Variants in TARBP1 observed in about 807,000 individuals in gnomAD.
The protein encoded by TARBP1 is tRNA guanosine 2 -O-methyltransferase TARBP1.
TARBP1 carries 144 observed loss-of-function variants against 178.6 expected under a neutral mutation model. That is an observed-to-expected ratio of 0.81 (90% CI 0.70 to 0.93). The LOEUF is 0.93. TARBP1 is among the 40% of genes least tolerant of loss of function. TARBP1 has a pLI of 0.00. For missense variants in TARBP1, 2,067 were observed against 2,011.7 expected (o/e 1.03, Z -0.53); for synonymous variants, 787 against 781.0 (o/e 1.01, Z -0.13).
rs1558237313 is a variant in TARBP1, at chr1:234,457,737, T to TC, written c.1651dup (p.Asp551GlyfsTer27). The TC allele has an allele frequency of 6.2e-7, 1 of 1,609,312 alleles. No individual in the cohort carries two copies. The highest frequency in any genetic ancestry group is 8.5e-7 in the Non-Finnish European group (1 of 1,177,064). ...CAGAGACATGAGAAAAGTTGAGACATCAGAAAGTGACACTTTCTCCTGGGC... is the reference window on the plus strand; with the variant it reads ...CAGAGACATGAGAAAAGTTGAGACATCCAGAAAGTGACACTTTCTCCTGGGC... On this transcript the variant is annotated frameshift_variant, in exon 9 of 30. Coordinates refer to ENST00000040877, the MANE Select transcript of TARBP1 (RefSeq NM_005646.4). LOFTEE classifies it high-confidence loss of function.
chr1:234,454,014 A>C (rs1667051949), intron 9 of TARBP1, among the ~76,000 whole-genome samples: 1 of 152,250 alleles, frequency 6.6e-6, no homozygotes, highest in African/African-American at 2.4e-5. Context: ...GAACAGATGA[A>C]GAAATCTAAG....
intron 1 of TARBP1, 138 bp from the exon 2 acceptor site, chr1:234,472,949 G>T: frequency 1.4e-6 from 1 of 697,234 alleles, no homozygotes; most frequent in Non-Finnish European, 2.5e-6. Flanking sequence ...ATCAGAGCCT[G>T]GATAGGGGGC....
Position 234,429,770 on chromosome 1 carries a change from G to C in TARBP1, c.2610-93C>G, listed in dbSNP as rs569956588. ...ACACTATCCTTTCTAAAGGTGGGGG[G>C]GGGGGGGCAGTGTACAGATATAAAT... On this transcript the variant is annotated intron_variant, in intron 15 of 29. Transcript: ENST00000040877. 17 of 1,311,256 alleles carry C rather than the reference G, an allele frequency of 1.3e-5. 1 individual carries two copies. Among genetic ancestry groups the C allele is most frequent in the East Asian group, 4.6e-5 (2 of 43,056 alleles). The allele number at this position is 1,311,256 out of a possible 1,614,324, so 81.2% of individuals were successfully genotyped here.
chr1:234,399,924 ATACC>A (rs1660513022), intron 25 of TARBP1, among the ~76,000 whole-genome samples: 1 of 151,630 alleles, frequency 6.6e-6, no homozygotes, highest in South Asian at 2.1e-4. Context: ...TTTAGGAGAT[ATACC>A]TAATGCTAGA....
At chr1:234,414,470 A>G (rs1572248670) in intron 22 of TARBP1, among the ~76,000 whole-genome samples, 2 of 152,222 alleles carry the variant, frequency 1.3e-5, no homozygotes, top group Non-Finnish European at 2.9e-5. Flanking sequence ...AAAAGCCTGG[A>G]AAGGACACAG....
chr1:234,461,350 G>A (rs781115753), intron 6 of TARBP1, among the ~76,000 whole-genome samples: 1 of 152,140 alleles, frequency 6.6e-6, no homozygotes, highest in Non-Finnish European at 1.5e-5. Flanking sequence ...TGTTGCCCAG[G>A]CTGAAGTGCA....
intron 13 of TARBP1, among the ~76,000 whole-genome samples, chr1:234,434,736 GATC>G (rs921854290): frequency 6.6e-6 from 1 of 151,738 alleles, no homozygotes; most frequent in African/African-American, 2.4e-5. Context: ...ATGTAGATGA[GATC>G]ATCAAGTGAC....
chr1:234,429,722 C>T (rs1409744168), intron 15 of TARBP1, 45 bp from the exon 16 acceptor site: 5 of 1,535,670 alleles, frequency 3.3e-6, no homozygotes, highest in Admixed American at 2.0e-5. Flanking sequence ...CCCCAATTTG[C>T]CTCCACGTCT....
intron 1 of TARBP1, 67 bp from the exon 2 acceptor site, chr1:234,472,878 C>T (rs1424739577): frequency 5.8e-6 from 7 of 1,199,652 alleles, no homozygotes; most frequent in Non-Finnish European, 8.4e-6. Context: ...TCAATGACAG[C>T]AGTTCTTAAA....
In TARBP1 at chr1:234,427,649, A is replaced by G. The variant is rs1409220547; in HGVS notation, c.3178T>C (p.Ser1060Pro). Residue 1060 changes from serine to proline, a missense_variant, in exon 18 of 30, where the codon TCA becomes CCA. Transcript: ENST00000040877. ...AGTTCGCTATAATTTTTAGCACTTGATAAAGATCCTTGGGACACATTTGAA... is the reference window on the plus strand; with the variant it reads ...AGTTCGCTATAATTTTTAGCACTTGGTAAAGATCCTTGGGACACATTTGAA... ...SASNVSQGSL[S>P]SAKNYSELIL... 1.3e-6 allele frequency: 2 copies of G among 1,598,742 alleles called. No homozygotes were observed. The highest frequency in any genetic ancestry group is 2.7e-5 in the African/African-American group (2 of 73,988).
At chr1:234,407,352 T>TTTTTTTTTTTTTTTTTTTTTTTTTTA (rs1184926764) in intron 23 of TARBP1, 55 of 150,590 alleles carry the variant, frequency 3.7e-4, no homozygotes, top group African/African-American at 1.3e-3. Context: ...TTTTTTTTTT[T>TTTTTTTTTTTTTTTTTTTTTTTTTTA]TTTGAGATGG....
chr1:234,401,086 A>G, intron 25 of TARBP1, 95 bp downstream of exon 25: 1 of 957,524 alleles, frequency 1.0e-6, no homozygotes, highest in Non-Finnish European at 1.6e-6. Flanking sequence ...CAAGAAAAAA[A>G]CTTTACCCTA....
intron 4 of TARBP1, 66 bp from the exon 5 acceptor site, chr1:234,465,774 T>C: frequency 1.4e-6 from 2 of 1,436,372 alleles, no homozygotes; most frequent in Non-Finnish European, 9.3e-7. Flanking sequence ...TTGAAGTCAG[T>C]TTCCCTGATT....
chr1:234,440,409 T>G (rs577803725), intron 12 of TARBP1, among the ~76,000 whole-genome samples: 1 of 149,806 alleles, frequency 6.7e-6, no homozygotes, highest in Non-Finnish European at 1.5e-5. Context: ...AAAAGCTGGT[T>G]CTTTGAAAAG....
intron 20 of TARBP1, 45 bp downstream of exon 20, chr1:234,425,626 CCT>C: frequency 6.4e-7 from 1 of 1,573,170 alleles, no homozygotes; most frequent in Non-Finnish European, 8.7e-7. Context: ...CAAATGTTGA[CCT>C]CTGACTGTTA....
At chr1:234,452,786 G>T (rs1156320312) in intron 9 of TARBP1, among the ~76,000 whole-genome samples, 1 of 152,068 alleles carries the variant, frequency 6.6e-6, no homozygotes, top group Admixed American at 6.5e-5. Context: ...TCTTACAACT[G>T]CCAAAACCTG....
chr1:234,416,217 G>C (rs1033191324), intron 22 of TARBP1, among the ~76,000 whole-genome samples: 1 of 152,174 alleles, frequency 6.6e-6, no homozygotes, highest in Non-Finnish European at 1.5e-5. Context: ...GGATCTAAAA[G>C]GCAACTCAAG....
chr1:234,471,781 TAAAGA>T (rs1052831452), intron 2 of TARBP1, among the ~76,000 whole-genome samples: 1 of 152,246 alleles, frequency 6.6e-6, no homozygotes, highest in African/African-American at 2.4e-5. Context: ...ATCTACTGAT[TAAAGA>T]AAACCATAAA....
chr1:234,424,582 AC>A (rs1663488496), intron 20 of TARBP1, among the ~76,000 whole-genome samples: 1 of 152,198 alleles, frequency 6.6e-6, no homozygotes. Context: ...CTCAGTTTTT[AC>A]TTTTTCATTC....
Sources: allele counts gnomAD v4.1 joint callset (sites outside exome capture counted in the v4.1 genomes callset), GRCh38; gene constraint gnomAD v4.1.1; transcripts MANE v1.5; gene names NCBI Gene and HGNC (gene_info 2026-07-23, HGNC 2026-07-21).